The following DUOX1 variants were observed in gnomAD, a reference collection of about 807,000 sequenced individuals.
The protein encoded by DUOX1 is NADPH thyroid oxidase 1.
Under a neutral mutation model 181.8 loss-of-function variants are expected in DUOX1, and 134 were observed. The ratio of observed to expected loss-of-function variants is 0.74; its 90% confidence interval spans 0.64 to 0.85. The LOEUF (loss-of-function observed/expected upper bound fraction) is 0.85. Ranked by LOEUF, DUOX1 falls within the 40% of genes least tolerant of loss-of-function variation. The pLI is 0.00. For missense variants in DUOX1, 1,814 were observed against 2,064.4 expected (o/e 0.88, Z 2.35); for synonymous variants, 798 against 832.5 (o/e 0.96, Z 0.71).
chr15:45,158,509 G>C, intron 28 of DUOX1, among the ~76,000 whole-genome samples: 1 of 151,950 alleles, frequency 6.6e-6, no homozygotes, highest in East Asian at 1.9e-4. Context: ...AGGAGTTGGA[G>C]ACCAGTCTGG....
At position 45,147,640 on chromosome 15, in the gene DUOX1, C is replaced by T. The variant is rs567087120; in HGVS notation, c.2530C>T (p.Leu844=). 1.2e-5 allele frequency: 20 copies of T among 1,614,152 alleles called. No homozygotes were observed. The South Asian group carries it at 2.2e-4, about 18-fold the overall frequency. ...YLSFREFLDI[L]VVFMKGSPEE... ...GTCCTTCCGAGAGTTCCTGGACATC[C>T]TGGTGGTCTTCATGAAAGGTGAGGG... is the stretch of plus-strand genomic sequence containing the variant. The change falls in exon 19 of 34, where the codon CTG becomes TTG. Residue 844 remains leucine, a synonymous_variant. Transcript: ENST00000389037.
In DUOX1 at chr15:45,139,506, G is replaced by C; in HGVS notation, c.1296G>C (p.Leu432=). 1 of 1,613,748 alleles carries C rather than the reference G, an allele frequency of 6.2e-7. No homozygotes were observed. Among genetic ancestry groups the C allele is most frequent in the Non-Finnish European group, 8.5e-7 (1 of 1,179,928 alleles). ...TGCAGCGGGGCCGGGATCTGGGCCT[G>C]CCCTCTTACACCAAGGCCAGGGCAG... ...SCLQRGRDLG[L]PSYTKARAAL... The change falls in exon 12 of 34, where the codon CTG becomes CTC. Residue 432 remains leucine (L), a synonymous_variant. Transcript: ENST00000389037.
Position 45,147,436 on chromosome 15 carries a change from C to G in DUOX1, c.2326C>G (p.Leu776Val). ...TFFRHLFSQV[L>V]DINQADAGTL... ...CTCTGCTTCTGCCCAAGTGCAGGTG[C>G]TGGACATCAACCAGGCCGACGCAGG... is the stretch of plus-strand genomic sequence containing the variant. The change falls in exon 19 of 34, where the codon CTG becomes GTG. Residue 776 changes from leucine to valine, a missense_variant. Around this residue, in one of 5 missense-constraint regions of DUOX1, gnomAD observed 1,064 missense variants for 1,152.9 expected, o/e 0.92. Transcript: ENST00000389037. 1.2e-6 allele frequency: 2 copies of G among 1,613,166 alleles called. No individual in the cohort carries two copies. The highest frequency in any genetic ancestry group is 1.7e-4 in the Middle Eastern group (1 of 6,054).
intron 4 of DUOX1, among the ~76,000 whole-genome samples, chr15:45,134,541 G>A (rs1896236037): frequency 6.6e-6 from 1 of 152,170 alleles, no homozygotes; most frequent in Non-Finnish European, 1.5e-5. Flanking sequence ...AAGATGAGGG[G>A]TGGGGTTAGG....
chr15:45,152,531 T>C lies in DUOX1; in HGVS notation c.3424+15T>C, dbSNP rs1324468634. The C allele has an allele frequency of 6.2e-7, 1 of 1,612,070 alleles. No individual in the cohort carries two copies. The highest frequency in any genetic ancestry group is 1.1e-5 in the South Asian group (1 of 91,040). On this transcript the variant is annotated intron_variant, in intron 25 of 33. Coordinates refer to ENST00000389037, the MANE Select transcript of DUOX1 (RefSeq NM_175940.3). Reference sequence around the variant, plus strand: ...CGTCCTCACAGGCAGGGCCTGGGTGTCCCTGGGAGGCTCTCCAGGGCCTCC... The same window carrying C: ...CGTCCTCACAGGCAGGGCCTGGGTGCCCCTGGGAGGCTCTCCAGGGCCTCC...
At chr15:45,142,797 A>AAGGAAGGAAGGAAGGAAGGAAGGAAGGG (rs1896540760) in intron 15 of DUOX1, among the ~76,000 whole-genome samples, 1 of 143,556 alleles carries the variant, frequency 7.0e-6, no homozygotes, top group African/African-American at 2.5e-5. Flanking sequence ...GGGAGGGAGG[A>AAGGAAGGAAGGAAGGAAGGAAGGAAGGG]AGGGAGGGAG....
intron 26 of DUOX1, 76 bp downstream of exon 26, chr15:45,153,555 G>A (rs1896885907): frequency 1.6e-6 from 2 of 1,278,506 alleles, no homozygotes; most frequent in Non-Finnish European, 1.1e-6. Context: ...TGTATAATGG[G>A]GAGGATTCCT....
intron 22 of DUOX1, 152 bp from the exon 23 acceptor site, chr15:45,150,971 C>G: frequency 8.7e-7 from 1 of 1,146,782 alleles, no homozygotes; most frequent in South Asian, 1.5e-5. Flanking sequence ...CAAGATCAGA[C>G]TCTGTCTATA....
intron 21 of DUOX1, among the ~76,000 whole-genome samples, chr15:45,149,028 G>C (rs1207722620): frequency 6.6e-6 from 1 of 152,168 alleles, no homozygotes. Context: ...TGCCCCACCA[G>C]TGTCTGATTC....
At chr15:45,147,877 C>T (rs1173762153) in intron 19 of DUOX1, 27 bp from the exon 20 acceptor site, 2 of 1,601,482 alleles carry the variant, frequency 1.2e-6, no homozygotes, top group South Asian at 1.1e-5. Context: ...GGCGGGGGCT[C>T]TCCTTATGGA....
intron 25 of DUOX1, chr15:45,152,750 AACAC>A: frequency 1.7e-6 from 1 of 594,748 alleles, no homozygotes. Context: ...ACAAGTTACT[AACAC>A]CCCAGAATGA....
Position 45,135,126 on chromosome 15 carries a change from G to A in DUOX1, c.330G>A (p.Leu110=). ...VFFGYHVLSD[L]VSVETPGCPA... is the part of the protein sequence containing the mutation. ...CAGGCTATCACGTGCTTTCAGACCT[G>A]GTGAGCGTGGAAACTCCCGGCTGCC... Residue 110 remains leucine, a synonymous_variant, in exon 5 of 34, where the codon CTG becomes CTA. Transcript: ENST00000389037. The A allele has an allele frequency of 6.2e-7, 1 of 1,613,742 alleles. No homozygotes were observed. The highest frequency in any genetic ancestry group is 8.5e-7 in the Non-Finnish European group (1 of 1,179,898).
chr15:45,163,824 A>C lies in DUOX1; in HGVS notation c.4439A>C (p.Asn1480Thr). The part of the protein sequence containing the change: ...ICERHFQKVL[N>T]RSLFTGLRSI... ...GAGCGGCACTTCCAGAAGGTTCTGA[A>C]CCGGAGTCTATTCACAGGCCTGCGC... The change falls in exon 33 of 34, where the codon AAC (asparagine) becomes ACC (threonine). Residue 1480 changes from asparagine to threonine, a missense_variant. Asn to Thr is a moderately conservative substitution (Grantham distance 65). Coordinates refer to ENST00000389037, the MANE Select transcript of DUOX1 (RefSeq NM_175940.3). The C allele has an allele frequency of 6.2e-7, 1 of 1,614,020 alleles. No individual in the cohort carries two copies. Among genetic ancestry groups the C allele is most frequent in the East Asian group, 2.2e-5 (1 of 44,868 alleles).
intron 9 of DUOX1, 96 bp from the exon 10 acceptor site, chr15:45,137,828 C>A: frequency 2.1e-6 from 2 of 951,552 alleles, no homozygotes; most frequent in Non-Finnish European, 3.1e-6. Flanking sequence ...AGACGATGGC[C>A]TGGGGTCCCT....
rs371747050 is a variant in DUOX1 at position 45,152,453 on chromosome 15, G to C, written c.3361G>C (p.Val1121Leu). ...GCGAGAAACCTTCCTCAACCGCTAC[G>C]TGCCCTTCGACGCCGCCGTGGACTT... is the stretch of plus-strand genomic sequence containing the variant. ...FLRETFLNRYVPFDAAVDFHR... is the reference protein window; with the variant it reads ...FLRETFLNRYLPFDAAVDFHR... Residue 1121 changes from valine (V) to leucine (L), a missense_variant, in exon 25 of 34, where the codon GTG (valine) becomes CTG (leucine). By Grantham distance (32) the Val-to-Leu change is conservative. Around this residue, in one of 5 missense-constraint regions of DUOX1, gnomAD observed 1,064 missense variants for 1,152.9 expected, o/e 0.92. Coordinates refer to ENST00000389037, the MANE Select transcript of DUOX1 (RefSeq NM_175940.3). The C allele has an allele frequency of 3.7e-6, 6 of 1,613,994 alleles. No individual in the cohort carries two copies. The highest frequency in any genetic ancestry group is 5.1e-6 in the Non-Finnish European group (6 of 1,180,026).
intron 9 of DUOX1, among the ~76,000 whole-genome samples, chr15:45,136,897 G>C (rs1018141706): frequency 3.9e-5 from 6 of 152,052 alleles, no homozygotes. Context: ...GTGTCACAAA[G>C]TCCACTGGTC....
chr15:45,137,960 G>A lies in DUOX1; in HGVS notation c.1059G>A (p.Arg353=). Reference sequence around the variant, plus strand: ...GCCACTTCCAGGGGGTCATCAATCGGAACTCAAGTGTCTCCAGAGCTCTCC... The same window carrying A: ...GCCACTTCCAGGGGGTCATCAATCGAAACTCAAGTGTCTCCAGAGCTCTCC... ...ASCHFQGVIN[R]NSSVSRALRV... Residue 353 remains arginine (R), a synonymous_variant, in exon 10 of 34, where the codon CGG becomes CGA. Coordinates refer to ENST00000389037, the MANE Select transcript of DUOX1 (RefSeq NM_175940.3). 6.2e-7 allele frequency: 1 copy of A among 1,610,196 alleles called. No homozygotes were observed. Among genetic ancestry groups the A allele is most frequent in the Non-Finnish European group, 8.5e-7 (1 of 1,177,850 alleles).
chr15:45,134,409 C>T, intron 4 of DUOX1, 100 bp downstream of exon 4: 2 of 1,322,630 alleles, frequency 1.5e-6, no homozygotes, highest in Non-Finnish European at 2.0e-6. Context: ...GATGGAAGGC[C>T]TAAGGGATGA....
At chr15:45,142,865 G>A (rs993316138) in intron 15 of DUOX1, among the ~76,000 whole-genome samples, 5 of 152,002 alleles carry the variant, frequency 3.3e-5, no homozygotes, top group African/African-American at 1.2e-4. Context: ...CTTAGTCTTT[G>A]GCAAGGCTGT....
Sources: allele counts gnomAD v4.1 joint callset (sites outside exome capture counted in the v4.1 genomes callset), GRCh38; gene constraint gnomAD v4.1.1; regional missense constraint gnomAD v4.1.1; transcripts MANE v1.5; gene names NCBI Gene and HGNC (gene_info 2026-07-23, HGNC 2026-07-21).